The following PARVA variants were observed in gnomAD, a reference collection of about 807,000 sequenced individuals.
PARVA encodes the protein parvin alpha.
Under a neutral mutation model 52.6 loss-of-function variants are expected in PARVA, and 25 were observed. The ratio of observed to expected loss-of-function variants is 0.48; its 90% confidence interval spans 0.35 to 0.66. The LOEUF (loss-of-function observed/expected upper bound fraction) is 0.66. Among genes scored for constraint, PARVA ranks in the 30% least tolerant of loss-of-function variants. PARVA has a pLI of 0.01. For missense variants in PARVA, 373 were observed against 450.9 expected (o/e 0.83, Z 1.56); for synonymous variants, 185 against 179.1 (o/e 1.03, Z -0.26).
chr11:12,469,412 G>A (rs576251089), intron 1 of PARVA, among the ~76,000 whole-genome samples: 3 of 152,216 alleles, frequency 2.0e-5, no homozygotes, highest in South Asian at 2.1e-4. Flanking sequence ...CGAGACATTC[G>A]GACCCAGTTT....
intron 5 of PARVA, among the ~76,000 whole-genome samples, chr11:12,502,837 T>A (rs1375557227): frequency 2.0e-5 from 3 of 152,046 alleles, no homozygotes; most frequent in African/African-American, 7.2e-5. Flanking sequence ...TTTTGGGGAA[T>A]CTTTACAACC....
intron 1 of PARVA, among the ~76,000 whole-genome samples, chr11:12,395,047 G>A (rs551004032): frequency 5.8e-4 from 88 of 150,782 alleles, no homozygotes; most frequent in African/African-American, 2.1e-3. Flanking sequence ...ACCAAGGTCA[G>A]GCCATTGCAC....
chr11:12,474,100 GC>G, intron 3 of PARVA, 117 bp downstream of exon 3: 5 of 784,498 alleles, frequency 6.4e-6, no homozygotes, highest in Non-Finnish European at 1.1e-5. Flanking sequence ...AGTCATGGCA[GC>G]CCCTGCCTCA....
chr11:12,378,938 G>T (rs1939445658), intron 1 of PARVA, among the ~76,000 whole-genome samples: 1 of 152,194 alleles, frequency 6.6e-6, no homozygotes, highest in African/African-American at 2.4e-5. Flanking sequence ...AGTTTATTAA[G>T]AAAGTAGAGG....
At chr11:12,508,118 A>AC (rs1471078583) in intron 6 of PARVA, among the ~76,000 whole-genome samples, 1 of 124,780 alleles carries the variant, frequency 8.0e-6, no homozygotes, top group African/African-American at 3.6e-5. Context: ...AAAAAAAAAA[A>AC]AAAACCAAAA....
At chr11:12,435,789 TTTG>T (rs894585917) in intron 1 of PARVA, among the ~76,000 whole-genome samples, 17 of 152,136 alleles carry the variant, frequency 1.1e-4, no homozygotes, top group South Asian at 2.1e-4. Context: ...TCTCTGTTTT[TTTG>T]TTGTTGTTGT....
At chr11:12,453,378 C>T (rs1940650453) in intron 1 of PARVA, among the ~76,000 whole-genome samples, 1 of 152,142 alleles carries the variant, frequency 6.6e-6, no homozygotes, top group East Asian at 1.9e-4. Flanking sequence ...GATTCTGAAA[C>T]AATACAAAGA....
intron 5 of PARVA, among the ~76,000 whole-genome samples, chr11:12,499,406 G>A (rs1268381309): frequency 6.6e-6 from 1 of 150,692 alleles, no homozygotes; most frequent in Middle Eastern, 3.2e-3. Context: ...AGTTACCAAG[G>A]TCCTTGATCT....
intron 7 of PARVA, 24 bp from the exon 8 acceptor site, chr11:12,511,490 A>G: frequency 6.2e-7 from 1 of 1,610,646 alleles, no homozygotes; most frequent in Non-Finnish European, 8.5e-7. Context: ...GAGTCACACT[A>G]TTTTCTTTCT....
intron 1 of PARVA, among the ~76,000 whole-genome samples, chr11:12,405,645 A>G (rs1228575733): frequency 4.6e-5 from 7 of 152,170 alleles, no homozygotes; most frequent in Admixed American, 4.6e-4. Flanking sequence ...TTCATTGTTC[A>G]TATATCTAAT....
At chr11:12,473,114 G>T (rs913719940) in intron 1 of PARVA, among the ~76,000 whole-genome samples, 4 of 152,176 alleles carry the variant, frequency 2.6e-5, no homozygotes, top group Admixed American at 6.5e-5. Context: ...CAAGAGAGAT[G>T]AAGTGCCTGG....
chr11:12,455,900 A>C (rs1328723484), intron 1 of PARVA, among the ~76,000 whole-genome samples: 1 of 152,156 alleles, frequency 6.6e-6, no homozygotes, highest in Non-Finnish European at 1.5e-5. Context: ...TAACACCTGT[A>C]AAATATTCCT....
intron 1 of PARVA, among the ~76,000 whole-genome samples, chr11:12,458,562 C>T (rs1940729738): frequency 7.7e-6 from 1 of 129,978 alleles, no homozygotes; most frequent in Non-Finnish European, 1.7e-5. Context: ...CGGATTTGCT[C>T]CTAAAAATAT....
intron 1 of PARVA, among the ~76,000 whole-genome samples, chr11:12,392,860 A>G (rs1262127286): frequency 2.6e-5 from 4 of 152,046 alleles, no homozygotes; most frequent in Admixed American, 1.3e-4. Flanking sequence ...TCCTTCACTC[A>G]TTTTTTAACC....
upstream of PARVA, among the ~76,000 whole-genome samples, chr11:12,376,563 C>A (rs1939391583): frequency 6.6e-6 from 1 of 152,228 alleles, no homozygotes; most frequent in Non-Finnish European, 1.5e-5. Flanking sequence ...GCCAGCTGAT[C>A]GTCTGCTCTT....
At chr11:12,437,214 G>A (rs1940398322) in intron 1 of PARVA, among the ~76,000 whole-genome samples, 3 of 152,136 alleles carry the variant, frequency 2.0e-5, no homozygotes, top group Admixed American at 2.0e-4. Context: ...AGAACTTAAG[G>A]AACCCTCTCC....
chr11:12,522,421 C>CTTTT (rs66494894), intron 12 of PARVA, among the ~76,000 whole-genome samples: 2,295 of 134,512 alleles, frequency 0.017, 89 homozygotes, highest in South Asian at 0.049. Flanking sequence ...GAGCTTTATT[C>CTTTT]TTTTTTTTTT....
At chr11:12,463,929 T>C (rs772295479) in intron 1 of PARVA, among the ~76,000 whole-genome samples, 1 of 152,132 alleles carries the variant, frequency 6.6e-6, no homozygotes, top group Non-Finnish European at 1.5e-5. Flanking sequence ...TGGTTGCAAC[T>C]TTGGCCAGCT....
intron 8 of PARVA, 88 bp from the exon 9 acceptor site, chr11:12,513,211 T>G: frequency 7.2e-5 from 77 of 1,069,018 alleles, no homozygotes; most frequent in Non-Finnish European, 1.1e-4. Flanking sequence ...CTTGTGACCT[T>G]GAGAGGCGCG....
Sources: allele counts gnomAD v4.1 joint callset (sites outside exome capture counted in the v4.1 genomes callset), GRCh38; gene constraint gnomAD v4.1.1; transcripts MANE v1.5; gene names NCBI Gene and HGNC (gene_info 2026-07-23, HGNC 2026-07-21).